RAD51B: variants seen among roughly 807,000 people sequenced by gnomAD.
RAD51B encodes the protein DNA repair protein RAD51 homolog 2.
A neutral mutation model predicts 42.2 loss-of-function variants in RAD51B; 38 were observed. That is an observed-to-expected ratio of 0.90 (90% confidence interval 0.70 to 1.18). The LOEUF (loss-of-function observed/expected upper bound fraction) is 1.18. Among genes scored for constraint, RAD51B ranks in the 50% most tolerant of loss-of-function variants. The pLI is 0.00. For synonymous variants in RAD51B, 154 were observed against 145.2 expected, an observed-to-expected ratio of 1.06 and a Z score of -0.43; for missense variants, 373 against 400.7, an observed-to-expected ratio of 0.93 and a Z score of 0.59.
At chr14:68,390,178 A>G (rs773972382) in intron 8 of RAD51B, among the ~76,000 whole-genome samples, 5 of 152,236 alleles carry the variant, frequency 3.3e-5, no homozygotes, top group African/African-American at 7.2e-5. Context: ...AATTTCCTCA[A>G]CTAACATTGT....
intron 7 of RAD51B, among the ~76,000 whole-genome samples, chr14:68,088,400 G>A (rs2077034190): frequency 6.6e-6 from 1 of 151,644 alleles, no homozygotes; most frequent in African/African-American, 2.4e-5. Flanking sequence ...TCAGGTTTTT[G>A]TTTTTTTAAT....
chr14:68,175,294 T>C (rs2078943207), intron 7 of RAD51B, among the ~76,000 whole-genome samples: 1 of 152,206 alleles, frequency 6.6e-6, no homozygotes. Context: ...TAAAGCATAC[T>C]GAAGAGGAAC....
intron 7 of RAD51B, among the ~76,000 whole-genome samples, chr14:67,987,721 C>G (rs2075219043): frequency 2.6e-5 from 4 of 152,146 alleles, no homozygotes; most frequent in Admixed American, 2.6e-4. Context: ...CTACATTTAT[C>G]TGAACTTAAC....
chr14:67,920,045 T>TATATATATA (rs1283925854), intron 7 of RAD51B, among the ~76,000 whole-genome samples: 3 of 152,220 alleles, frequency 2.0e-5, no homozygotes, highest in Non-Finnish European at 1.5e-5. Context: ...CATCTATATA[T>TATATATATA]TGATAAGCAT....
intron 7 of RAD51B, among the ~76,000 whole-genome samples, chr14:68,087,890 A>AT (rs2077013151): frequency 3.7e-5 from 3 of 80,632 alleles, no homozygotes; most frequent in African/African-American, 2.0e-4. Context: ...ATAATTATAT[A>AT]ATATATTATT....
intron 7 of RAD51B, among the ~76,000 whole-genome samples, chr14:68,171,523 A>T (rs2140857568): frequency 6.6e-6 from 1 of 151,382 alleles, no homozygotes; most frequent in South Asian, 2.1e-4. Context: ...CTCGTCTCAA[A>T]CTCCTGACCT....
chr14:68,173,900 A>G (rs2078918003), intron 7 of RAD51B, among the ~76,000 whole-genome samples: 1 of 152,198 alleles, frequency 6.6e-6, no homozygotes, highest in African/African-American at 2.4e-5. Flanking sequence ...ATATTGGTCC[A>G]TGAAAGGGAT....
intron 7 of RAD51B, among the ~76,000 whole-genome samples, chr14:68,037,092 C>T (rs2076137832): frequency 4.2e-5 from 1 of 23,698 alleles, no homozygotes; most frequent in Non-Finnish European, 6.8e-5. Context: ...TCTCCTTTCT[C>T]CTTTCCCTCC....
chr14:67,908,118 G>A (rs1014751462), intron 7 of RAD51B, among the ~76,000 whole-genome samples: 5 of 152,118 alleles, frequency 3.3e-5, no homozygotes, highest in African/African-American at 1.2e-4. Context: ...ATCCCCAAAT[G>A]TCATGGTTGT....
At chr14:68,584,968 T>C (rs111563284) in intron 10 of RAD51B, among the ~76,000 whole-genome samples, 3,176 of 152,186 alleles carry the variant, frequency 0.021, 46 homozygotes, top group Middle Eastern at 0.051. Flanking sequence ...ACACTCAAAT[T>C]ACACTCAACA....
intron 9 of RAD51B, among the ~76,000 whole-genome samples, chr14:68,413,961 G>A (rs1232516758): frequency 6.6e-6 from 1 of 151,946 alleles, no homozygotes; most frequent in African/African-American, 2.4e-5. Flanking sequence ...CCCAAGCAGA[G>A]GCCACTACAC....
At chr14:68,411,025 C>G (rs748448638) in intron 8 of RAD51B, among the ~76,000 whole-genome samples, 7 of 152,092 alleles carry the variant, frequency 4.6e-5, no homozygotes, top group Non-Finnish European at 7.4e-5. Context: ...AGACTCTTGT[C>G]TAGCTAAAAA....
chr14:68,362,459 G>A (rs556690425), intron 8 of RAD51B, among the ~76,000 whole-genome samples: 3 of 152,296 alleles, frequency 2.0e-5, no homozygotes, highest in Admixed American at 1.3e-4. Context: ...ACAGAGAGGC[G>A]AAGTTGGGGA....
At chr14:68,084,498 C>T (rs1333638671) in intron 7 of RAD51B, among the ~76,000 whole-genome samples, 1 of 152,172 alleles carries the variant, frequency 6.6e-6, no homozygotes, top group Non-Finnish European at 1.5e-5. Context: ...AAATTGTCCC[C>T]AGTTCAGAAC....
chr14:68,409,053 AT>A (rs775234450), intron 8 of RAD51B, among the ~76,000 whole-genome samples: 2 of 152,100 alleles, frequency 1.3e-5, no homozygotes, highest in Admixed American at 6.6e-5. Flanking sequence ...TGGGTGTGGG[AT>A]TTCTTTTTAG....
chr14:68,170,480 A>G (rs1438884372), intron 7 of RAD51B, among the ~76,000 whole-genome samples: 1 of 152,208 alleles, frequency 6.6e-6, no homozygotes, highest in Admixed American at 6.5e-5. Context: ...TTTTCCAATA[A>G]TAAAAGTACT....
At chr14:68,059,734 AGTT>A (rs1487242456) in intron 7 of RAD51B, among the ~76,000 whole-genome samples, 4 of 152,148 alleles carry the variant, frequency 2.6e-5, no homozygotes, top group East Asian at 3.8e-4. Flanking sequence ...TATGTATTTT[AGTT>A]GTACATGTCT....
At chr14:67,968,492 C>T (rs1224408416) in intron 7 of RAD51B, among the ~76,000 whole-genome samples, 3 of 152,146 alleles carry the variant, frequency 2.0e-5, no homozygotes, top group Non-Finnish European at 4.4e-5. Context: ...TGCTTTGCTG[C>T]TTAGAAATTT....
intron 11 of RAD51B, among the ~76,000 whole-genome samples, chr14:68,665,063 C>A (rs751955332): frequency 2.0e-5 from 3 of 152,252 alleles, no homozygotes; most frequent in Non-Finnish European, 4.4e-5. Flanking sequence ...TATATCTGCC[C>A]TTTCACATAC....
Sources: allele counts gnomAD v4.1 joint callset (sites outside exome capture counted in the v4.1 genomes callset), GRCh38; gene constraint gnomAD v4.1.1; transcripts MANE v1.5; gene names NCBI Gene and HGNC (gene_info 2026-07-23, HGNC 2026-07-21).